The following PCSK5 variants were observed in gnomAD, a reference collection of about 807,000 sequenced individuals.
PCSK5 encodes the protein proprotein convertase subtilisin/kexin type 5, also known as prohormone convertase 5.
PCSK5 carries 129 observed loss-of-function variants against 233.2 expected under a neutral mutation model. The observed-to-expected ratio is 0.55, with a 90% CI of 0.48 to 0.64. The LOEUF is 0.64. Ranked by LOEUF, PCSK5 falls within the 30% of genes least tolerant of loss-of-function variation. PCSK5 has a pLI of 0.00. For synonymous variants in PCSK5, 825 were observed against 879.2 expected (o/e 0.94, Z 1.09); for missense variants, 2,076 against 2,430.1 (o/e 0.85, Z 3.06).
At chr9:76,062,518 G>A (rs1266346264) in intron 5 of PCSK5, among the ~76,000 whole-genome samples, 1 of 152,202 alleles carries the variant, frequency 6.6e-6, no homozygotes, top group African/African-American at 2.4e-5. Flanking sequence ...AAAGATGAAA[G>A]AGATTGGAAA....
intron 1 of PCSK5, among the ~76,000 whole-genome samples, chr9:75,908,729 C>G (rs776719615): frequency 2.0e-4 from 31 of 152,174 alleles, no homozygotes; most frequent in Non-Finnish European, 4.1e-4. Context: ...ATGAAACTTC[C>G]TATGGCTAAA....
intron 27 of PCSK5, among the ~76,000 whole-genome samples, 188 bp downstream of exon 27, chr9:76,297,053 G>A (rs949601101): frequency 6.6e-6 from 1 of 152,186 alleles, no homozygotes; most frequent in Non-Finnish European, 1.5e-5. Flanking sequence ...TGGGTAGGAA[G>A]CTGAGGTTGG....
intron 33 of PCSK5, 139 bp from the exon 34 acceptor site, chr9:76,332,294 C>T (rs1829558468): frequency 3.3e-6 from 2 of 613,512 alleles, no homozygotes; most frequent in South Asian, 4.1e-5. Context: ...ATTTCCCAAA[C>T]ATATCCATCA....
chr9:76,171,917 T>G (rs1823347263), intron 13 of PCSK5, among the ~76,000 whole-genome samples: 1 of 152,026 alleles, frequency 6.6e-6, no homozygotes, highest in Non-Finnish European at 1.5e-5. Context: ...GGACTTTGAG[T>G]GTCCTGTTTA....
At position 76,010,194 on chromosome 9, in the gene PCSK5, G is replaced by T. The variant is rs895625149; in HGVS notation, c.412-13544G>T. ...GGACAAAGGGCCAACAGCTAAGTCT[G>T]GTGGCTGAGAAAATAGTCTGGTTCC... On this transcript the variant is annotated intron_variant, in intron 3 of 37. Transcript: ENST00000674117. 1.1e-4 allele frequency among the ~76,000 whole-genome samples: 17 copies of T among 152,256 alleles called. No individual in the cohort carries two copies. The East Asian group carries it at 1.7e-3, about 16-fold the overall frequency.
intron 36 of PCSK5, 54 bp downstream of exon 36, chr9:76,350,982 G>A: frequency 1.2e-6 from 1 of 857,822 alleles, no homozygotes; most frequent in Non-Finnish European, 1.9e-6. Context: ...GGAAACATGA[G>A]CTTACTTCCT....
rs1051478152 is a variant in PCSK5 at position 76,171,024 on chromosome 9, G to A, written c.1756+1184G>A. Among the ~76,000 whole-genome samples the A allele has an allele frequency of 3.9e-5, 6 of 152,318 alleles. No individual in the cohort carries two copies. In the East Asian group the frequency reaches 5.8e-4, roughly 15 times the overall value. ...CAGGTCACAATGAATCAGGATAAAC[G>A]TTTTGTTAAAGAGTATCTGTGCCCA... is the stretch of plus-strand genomic sequence containing the variant. On this transcript the variant is annotated intron_variant, in intron 13 of 37. Coordinates refer to ENST00000674117, the MANE Select transcript of PCSK5 (RefSeq NM_001372043.1).
At chr9:75,933,786 A>G (rs1273960988) in intron 2 of PCSK5, among the ~76,000 whole-genome samples, 1 of 152,198 alleles carries the variant, frequency 6.6e-6, no homozygotes, top group Non-Finnish European at 1.5e-5. Context: ...CTGGAAAGGC[A>G]GTCCATTTGG....
At chr9:76,322,113 C>A (rs1407857587) in intron 31 of PCSK5, among the ~76,000 whole-genome samples, 3 of 152,182 alleles carry the variant, frequency 2.0e-5, no homozygotes, top group Non-Finnish European at 4.4e-5. Context: ...CCACGCCGGG[C>A]TAATTTTAAC....
chr9:76,077,009 A>T (rs992480908), intron 7 of PCSK5, among the ~76,000 whole-genome samples: 1 of 152,216 alleles, frequency 6.6e-6, no homozygotes, highest in African/African-American at 2.4e-5. Flanking sequence ...CTTCATGATG[A>T]TCTCAAAAGA....
At chr9:75,962,003 C>T (rs1398840704) in intron 2 of PCSK5, among the ~76,000 whole-genome samples, 1 of 152,098 alleles carries the variant, frequency 6.6e-6, no homozygotes, top group East Asian at 1.9e-4. Flanking sequence ...AGGTTACTGC[C>T]CAGGTAGAGT....
chr9:76,289,757 C>T (rs918255879), intron 24 of PCSK5, among the ~76,000 whole-genome samples: 21 of 152,138 alleles, frequency 1.4e-4, no homozygotes, highest in African/African-American at 5.1e-4. Flanking sequence ...AAATAATTCT[C>T]ATTCTTCAGA....
chr9:75,952,715 C>T (rs4618769), intron 2 of PCSK5, among the ~76,000 whole-genome samples: 93,358 of 151,924 alleles, frequency 0.61, 29,676 homozygotes, highest in East Asian at 0.84. Context: ...TGGAATAATT[C>T]GGTATGTAGT....
intron 10 of PCSK5, among the ~76,000 whole-genome samples, chr9:76,154,881 T>C (rs1823822938): frequency 6.6e-6 from 1 of 152,188 alleles, no homozygotes; most frequent in African/African-American, 2.4e-5. Flanking sequence ...TGACATTTCT[T>C]CTGTATCATG....
intron 7 of PCSK5, among the ~76,000 whole-genome samples, chr9:76,082,369 G>A (rs756624646): frequency 6.6e-6 from 1 of 152,234 alleles, no homozygotes; most frequent in Non-Finnish European, 1.5e-5. Context: ...TGCTTCAGCT[G>A]TAGATGACCC....
chr9:76,064,501 G>A (rs1241102146), intron 5 of PCSK5, among the ~76,000 whole-genome samples: 3 of 148,614 alleles, frequency 2.0e-5, no homozygotes, highest in African/African-American at 5.1e-5. Context: ...CTGGCCGGGC[G>A]GGGGGCTGAA....
At chr9:76,051,836 A>T (rs1829640668) in intron 5 of PCSK5, among the ~76,000 whole-genome samples, 2 of 152,206 alleles carry the variant, frequency 1.3e-5, no homozygotes. Flanking sequence ...CCAACGCTCC[A>T]ACCACATGGA....
rs777699333 is a variant in PCSK5, at chr9:76,227,543, G to C, written c.2667G>C (p.Glu889Asp). 1.2e-6 allele frequency: 2 copies of C among 1,612,178 alleles called. No individual in the cohort carries two copies. The highest frequency in any genetic ancestry group is 1.1e-5 in the South Asian group (1 of 90,916). Residue 889 changes from glutamate to aspartate, a missense_variant, in exon 21 of 38, where the codon GAG becomes GAC. Physicochemically the swap from Glu to Asp is conservative, Grantham distance 45. Around this residue, in one of 6 missense-constraint regions of PCSK5, gnomAD observed 1,510 missense variants for 1,538.1 expected, o/e 0.98. Transcript: ENST00000674117. The stretch of plus-strand genomic sequence containing the variant: ...AGCATGGCCACTGCCAGACCTGTGA[G>C]GCCTCATGTGCCAAGTGCCAGGGAC... Reference protein sequence around the residue: ...VDEHGHCQTCEASCAKCQGPT... With the variant: ...VDEHGHCQTCDASCAKCQGPT...
intron 10 of PCSK5, among the ~76,000 whole-genome samples, chr9:76,153,903 C>T (rs926900258): frequency 8.5e-5 from 13 of 152,224 alleles, no homozygotes; most frequent in Admixed American, 2.6e-4. Context: ...GGGAGCCCCT[C>T]AGGGTAACAG....
Sources: allele counts gnomAD v4.1 joint callset (sites outside exome capture counted in the v4.1 genomes callset), GRCh38; gene constraint gnomAD v4.1.1; regional missense constraint gnomAD v4.1.1; transcripts MANE v1.5; gene names NCBI Gene and HGNC (gene_info 2026-07-23, HGNC 2026-07-21).